Variants in CKMT2 observed in about 807,000 individuals in gnomAD.
CKMT2 encodes the protein creatine kinase, mitochondrial 2.
A neutral mutation model predicts 48.9 loss-of-function variants in CKMT2; 43 were observed. The observed-to-expected ratio is 0.88, with a 90% confidence interval of 0.69 to 1.13. CKMT2 has a LOEUF of 1.13. Ranked by LOEUF, CKMT2 falls within the 50% of genes most tolerant of loss-of-function variation. CKMT2 has a pLI of 0.00. For missense variants in CKMT2, 472 were observed against 555.4 expected (o/e 0.85, Z 1.51); for synonymous variants, 206 against 213.0 (o/e 0.97, Z 0.29).
At chr5:81,235,601 G>T (rs578103766) in intron 1 of CKMT2, among the ~76,000 whole-genome samples, 3 of 152,186 alleles carry the variant, frequency 2.0e-5, no homozygotes, top group Non-Finnish European at 4.4e-5. Flanking sequence ...CAGGGGGCTC[G>T]GGCTGGAGGC....
rs1756942174 is a variant in CKMT2, at chr5:81,254,868, G to T, written c.448-125G>T. Reference sequence around the variant, plus strand: ...CCGGAATGTGTCCAATTTACGGATTGTGCAGTCGTGCACAGTGCCTGAGGG... The same window carrying T: ...CCGGAATGTGTCCAATTTACGGATTTTGCAGTCGTGCACAGTGCCTGAGGG... On this transcript the variant is annotated intron_variant, in intron 4 of 9. Transcript: ENST00000254035. 8 of 769,168 alleles carry T rather than the reference G, an allele frequency of 1.0e-5. No individual in the cohort carries two copies. In the South Asian group the frequency reaches 1.0e-4, roughly 10 times the overall value. The allele number at this position is 769,168 out of a possible 1,614,324, so 47.6% of individuals were successfully genotyped here. A position where few individuals can be genotyped will look rare whatever the true frequency, so the allele number is the denominator to read the frequency against.
chr5:81,261,702 A>G (rs1041428364), intron 8 of CKMT2, among the ~76,000 whole-genome samples: 4 of 152,224 alleles, frequency 2.6e-5, no homozygotes, highest in Admixed American at 1.3e-4. Flanking sequence ...AGAGGAGACA[A>G]ACAAATGGAA....
At chr5:81,259,305 G>T in intron 8 of CKMT2, 51 bp downstream of exon 8, 1 of 1,545,002 alleles carries the variant, frequency 6.5e-7, no homozygotes, top group South Asian at 1.2e-5. Flanking sequence ...GCTCAGATGC[G>T]ACTGCTTTGT....
rs757500472 is a variant in CKMT2, at chr5:81,252,756, A to G, written c.214A>G (p.Ile72Val). Reference protein sequence around the residue: ...NCMAECLTPAIYAKLRNKVTP... With the variant: ...NCMAECLTPAVYAKLRNKVTP... The stretch of plus-strand genomic sequence containing the variant: ...CATGGCCGAGTGCCTCACCCCCGCC[A>G]TTTATGCCAAGCTTCGCAACAAGGT... The change falls in exon 3 of 10, where the codon ATT (isoleucine) becomes GTT (valine). Residue 72 changes from isoleucine to valine, a missense_variant. Ile to Val is a conservative substitution (Grantham distance 29, BLOSUM62 3). Coordinates refer to ENST00000254035, the MANE Select transcript of CKMT2 (RefSeq NM_001099735.2). The G allele has an allele frequency of 9.9e-6, 16 of 1,614,158 alleles. 1 individual carries two copies. In the South Asian group the frequency reaches 1.8e-4, roughly 18 times the overall value.
intron 9 of CKMT2, among the ~76,000 whole-genome samples, chr5:81,264,592 G>A (rs1412609984): frequency 6.6e-6 from 1 of 152,134 alleles, no homozygotes; most frequent in Non-Finnish European, 1.5e-5. Flanking sequence ...CACAACTTCT[G>A]AAATTTACTG....
At chr5:81,241,106 C>G (rs1027301259) in intron 1 of CKMT2, among the ~76,000 whole-genome samples, 3 of 152,194 alleles carry the variant, frequency 2.0e-5, no homozygotes, top group African/African-American at 7.2e-5. Flanking sequence ...GGTCTTGTCC[C>G]TCTGAAGTAA....
At chr5:81,242,040 A>G (rs1020216058) in intron 1 of CKMT2, among the ~76,000 whole-genome samples, 2 of 151,822 alleles carry the variant, frequency 1.3e-5, no homozygotes, top group African/African-American at 2.4e-5. Flanking sequence ...TCTGTGGGGT[A>G]GTCTCTGCTG....
intron 1 of CKMT2, chr5:81,238,192 G>C (rs1276042429): frequency 2.0e-5 from 3 of 152,134 alleles, no homozygotes; most frequent in African/African-American, 7.2e-5. Context: ...AAATTAGCTG[G>C]GCGAGGCGGC....
At chr5:81,266,076 G>A in intron 9 of CKMT2, 63 bp from the exon 10 acceptor site, 4 of 1,528,590 alleles carry the variant, frequency 2.6e-6, no homozygotes, top group South Asian at 1.1e-5. Context: ...TGCTGTTCCT[G>A]TTAATCAATG....
chr5:81,240,802 CTCGAATT>C (rs1756409891), intron 1 of CKMT2, among the ~76,000 whole-genome samples: 1 of 152,134 alleles, frequency 6.6e-6, no homozygotes, highest in Admixed American at 6.5e-5. Context: ...CTTGAAAGCA[CTCGAATT>C]TTGTTTTCTC....
chr5:81,257,105 C>A, intron 6 of CKMT2, 105 bp downstream of exon 6: 2 of 815,408 alleles, frequency 2.5e-6, no homozygotes, highest in South Asian at 1.7e-5. Context: ...TGACAGCATG[C>A]CCAGACTGAG....
intron 8 of CKMT2, among the ~76,000 whole-genome samples, chr5:81,262,269 G>T (rs1757249552): frequency 6.6e-6 from 1 of 152,066 alleles, no homozygotes; most frequent in Non-Finnish European, 1.5e-5. Flanking sequence ...TACCATTCAG[G>T]ACATAGGCAT....
intron 9 of CKMT2, among the ~76,000 whole-genome samples, chr5:81,265,024 A>C (rs931177270): frequency 6.6e-6 from 1 of 152,164 alleles, no homozygotes; most frequent in Non-Finnish European, 1.5e-5. Flanking sequence ...TACCTATTTA[A>C]TGTTTTCCTG....
intron 1 of CKMT2, chr5:81,244,819 C>T (rs1191822795): frequency 6.6e-6 from 1 of 151,414 alleles, no homozygotes; most frequent in Non-Finnish European, 1.5e-5. Context: ...ATCAGGATTC[C>T]TTTGTGTGGG....
At chr5:81,256,748 G>A (rs1042236140) in intron 5 of CKMT2, among the ~76,000 whole-genome samples, 167 bp from the exon 6 acceptor site, 1 of 152,154 alleles carries the variant, frequency 6.6e-6, no homozygotes, top group Non-Finnish European at 1.5e-5. Flanking sequence ...GAATCTCTGG[G>A]CATTGTTTGA....
chr5:81,242,518 C>A, intron 1 of CKMT2: 1 of 484,570 alleles, frequency 2.1e-6, no homozygotes, highest in South Asian at 1.7e-5. Context: ...ATTTGGTGTT[C>A]AGCACAAAGG....
At chr5:81,236,831 G>A (rs1756258886) in intron 1 of CKMT2, among the ~76,000 whole-genome samples, 1 of 152,192 alleles carries the variant, frequency 6.6e-6, no homozygotes, top group African/African-American at 2.4e-5. Flanking sequence ...CACCTTTGAA[G>A]TCTTGTCCGC....
At chr5:81,257,960 T>C in intron 7 of CKMT2, 104 bp downstream of exon 7, 1 of 1,179,952 alleles carries the variant, frequency 8.5e-7, no homozygotes, top group East Asian at 2.7e-5. Flanking sequence ...GGAGCTAATT[T>C]TTTTCTAGAA....
chr5:81,257,955 TAATTTTTTTCTAGA>T, intron 7 of CKMT2, 99 bp downstream of exon 7: 1 of 1,218,504 alleles, frequency 8.2e-7, no homozygotes, highest in Admixed American at 2.8e-5. Context: ...AAGATGGAGC[TAATTTTTTTCTAGA>T]AATCAAAGCA....
Sources: allele counts gnomAD v4.1 joint callset (sites outside exome capture counted in the v4.1 genomes callset), GRCh38; gene constraint gnomAD v4.1.1; transcripts MANE v1.5; gene names NCBI Gene and HGNC (gene_info 2026-07-23, HGNC 2026-07-21).